Variants in PDE1A observed in about 807,000 individuals in gnomAD.
The protein encoded by PDE1A is dual specificity calcium/calmodulin-dependent 3',5'-cyclic nucleotide phosphodiesterase 1A.
PDE1A carries 35 observed loss-of-function variants against 61.7 expected under a neutral mutation model. The ratio of observed to expected loss-of-function variants is 0.57; its 90% CI spans 0.43 to 0.75. The LOEUF (loss-of-function observed/expected upper bound fraction) is 0.75. Ranked by LOEUF, PDE1A falls within the 30% of genes least tolerant of loss-of-function variation. The pLI is 0.00. For synonymous variants in PDE1A, 232 were observed against 213.2 expected (o/e 1.09, Z -0.77); for missense variants, 597 against 630.6 (o/e 0.95, Z 0.57).
the PDE1A span, among the ~76,000 whole-genome samples, chr2:182,618,578 A>G: frequency 1.9e-4 from 11 of 57,848 alleles, no homozygotes; most frequent in African/African-American, 4.2e-4. Context: ...GCAAAAAAAC[A>G]AAAGAATAGA....
At chr2:182,695,494 G>C in the PDE1A span, among the ~76,000 whole-genome samples, 97 of 151,968 alleles carry the variant, frequency 6.4e-4, no homozygotes, top group African/African-American at 2.1e-3. Flanking sequence ...GTGAAACTCC[G>C]TCTCTACTAA....
At chr2:182,528,013 G>A (rs1690802360), upstream of PDE1A, among the ~76,000 whole-genome samples, 1 of 152,012 alleles carries the variant, frequency 6.6e-6, no homozygotes, top group Non-Finnish European at 1.5e-5. Flanking sequence ...GTCTTCATCA[G>A]CAGCATGAAA....
At chr2:182,286,292 G>A (rs554907240) in intron 1 of PDE1A, among the ~76,000 whole-genome samples, 1 of 151,862 alleles carries the variant, frequency 6.6e-6, no homozygotes, top group Non-Finnish European at 1.5e-5. Flanking sequence ...GCAACTTAGG[G>A]GTCCTCCCTA....
the PDE1A span, among the ~76,000 whole-genome samples, chr2:182,628,297 G>A: frequency 1.3e-5 from 2 of 152,084 alleles, no homozygotes; most frequent in Non-Finnish European, 2.9e-5. Context: ...AGAGCTTTCT[G>A]GAGGAAAAAA....
chr2:182,471,256 C>A (rs1470762852), intron 2 of PDE1A, among the ~76,000 whole-genome samples: 1 of 151,682 alleles, frequency 6.6e-6, no homozygotes, highest in Non-Finnish European at 1.5e-5. Flanking sequence ...GATAATATAT[C>A]ACAAAGGTAT....
chr2:182,201,648 G>GAC, intron 9 of PDE1A, 40 bp downstream of exon 9: 3 of 438,668 alleles, frequency 6.8e-6, no homozygotes, highest in African/African-American at 1.4e-4. Context: ...ACTTTAACAT[G>GAC]ACAAAAAAAA....
At chr2:182,277,386 G>C (rs895721756) in intron 1 of PDE1A, among the ~76,000 whole-genome samples, 5 of 152,076 alleles carry the variant, frequency 3.3e-5, no homozygotes, top group Admixed American at 6.6e-5. Context: ...ATTGCGGGCG[G>C]GTTCCCCCGA....
chr2:182,348,415 G>A (rs576351422), intron 1 of PDE1A, among the ~76,000 whole-genome samples: 58 of 152,116 alleles, frequency 3.8e-4, no homozygotes, highest in African/African-American at 1.3e-3. Flanking sequence ...TGTGACCTCT[G>A]ACTTTACGGA....
At chr2:182,560,079 A>T in the PDE1A span, among the ~76,000 whole-genome samples, 1,641 of 133,512 alleles carry the variant, frequency 0.012, 24 homozygotes, top group African/African-American at 0.04. Flanking sequence ...TTTTTTTTTT[A>T]TACTTTAAGT....
chr2:182,236,347 T>TCACTG (rs1690013454), intron 3 of PDE1A, among the ~76,000 whole-genome samples: 4 of 105,974 alleles, frequency 3.8e-5, no homozygotes, highest in Non-Finnish European at 9.3e-5. Context: ...TACTCAGGTG[T>TCACTG]TTTTTTTTTT....
rs574143582 is a variant in PDE1A at position 182,205,709 on chromosome 2, T to C, written c.902+231A>G. On this transcript the variant is annotated intron_variant, in intron 8 of 13. Transcript: ENST00000351439. The stretch of plus-strand genomic sequence containing the variant: ...ATTTGTTGTGTTGTGTGTGGTCTTA[T>C]TCAGACATATGGATGTTGAGTTGAC... Among the ~76,000 whole-genome samples, 405 of 152,316 alleles carry C rather than the reference T, an allele frequency of 2.7e-3. 1 individual carries two copies. Among genetic ancestry groups the C allele is most frequent in the African/African-American group, 9.5e-3 (396 of 41,582 alleles).
intron 1 of PDE1A, among the ~76,000 whole-genome samples, chr2:182,352,811 A>C (rs1698964403): frequency 6.6e-6 from 1 of 152,244 alleles, no homozygotes; most frequent in East Asian, 1.9e-4. Flanking sequence ...TGTTGCATTC[A>C]ATTAAGCAGT....
chr2:182,550,893 TTGTA>T, the PDE1A span, among the ~76,000 whole-genome samples: 1 of 152,074 alleles, frequency 6.6e-6, no homozygotes, highest in South Asian at 2.1e-4. Context: ...GGGCTCAAAA[TTGTA>T]TGTAAGTTCT....
chr2:182,672,269 T>A, the PDE1A span, among the ~76,000 whole-genome samples: 2,064 of 152,334 alleles, frequency 0.014, 11 homozygotes, highest in Middle Eastern at 0.027. Context: ...TTTGTTAATG[T>A]TTTTATATAA....
chr2:182,577,857 T>G, the PDE1A span, among the ~76,000 whole-genome samples: 18 of 150,664 alleles, frequency 1.2e-4, no homozygotes, highest in Non-Finnish European at 2.5e-4. Context: ...GAGGCAGAGG[T>G]TGCAGTGAGC....
At chr2:182,677,813 G>C in the PDE1A span, among the ~76,000 whole-genome samples, 1 of 152,206 alleles carries the variant, frequency 6.6e-6, no homozygotes, top group Non-Finnish European at 1.5e-5. Flanking sequence ...TAACTGGCTA[G>C]CCATATGCAG....
chr2:182,454,996 C>T (rs921227609), intron 2 of PDE1A, among the ~76,000 whole-genome samples: 6 of 151,780 alleles, frequency 4.0e-5, no homozygotes, highest in Admixed American at 1.3e-4. Flanking sequence ...AAAATTTTTG[C>T]AACCTACTCA....
the PDE1A span, among the ~76,000 whole-genome samples, chr2:182,591,648 C>G: frequency 8.5e-5 from 13 of 152,228 alleles, no homozygotes; most frequent in African/African-American, 2.9e-4. Flanking sequence ...GGTATCTACC[C>G]ACTAGATGTC....
chr2:182,649,958 A>C, the PDE1A span, among the ~76,000 whole-genome samples: 1 of 152,062 alleles, frequency 6.6e-6, no homozygotes, highest in African/African-American at 2.4e-5. Flanking sequence ...TCATGCTTGT[A>C]GTCTCAGCTA....
Sources: gnomAD v4.1 joint callset for allele counts (sites outside exome capture counted in the v4.1 genomes callset) on GRCh38, gnomAD v4.1.1 for gene constraint, MANE v1.5 for transcripts, NCBI Gene and HGNC (gene_info 2026-07-23, HGNC 2026-07-21) for gene names.